The following SEPTIN2 variants were observed in gnomAD, a reference collection of about 807,000 sequenced individuals.
SEPTIN2 encodes the protein septin 2, also known as septin-2.
In SEPTIN2, 34 loss-of-function variants were observed where a neutral mutation model predicts 46.5. The ratio of observed to expected loss-of-function variants is 0.73; its 90% CI spans 0.56 to 0.97. SEPTIN2 has a LOEUF of 0.97. Among genes scored for constraint, SEPTIN2 ranks in the 50% least tolerant of loss-of-function variants. The probability of loss-of-function intolerance (pLI) is 0.00; values close to 1 mark genes in which losing one functional copy is unlikely to be tolerated. For synonymous variants in SEPTIN2, 175 were observed against 153.4 expected (o/e 1.14, Z -1.04); for missense variants, 347 against 448.4 (o/e 0.77, Z 2.04).
At chr2:241,318,971 C>G (rs2076763717) in intron 1 of SEPTIN2, among the ~76,000 whole-genome samples, 1 of 152,170 alleles carries the variant, frequency 6.6e-6, no homozygotes, top group Non-Finnish European at 1.5e-5. Flanking sequence ...GCTGGGATTA[C>G]AGGCATGAGC....
At chr2:241,337,139 T>C in intron 5 of SEPTIN2, 2 of 431,958 alleles carry the variant, frequency 4.6e-6, no homozygotes, top group Non-Finnish European at 8.2e-6. Flanking sequence ...ACTGGCCCTC[T>C]CTCAGGTGCA....
chr2:241,322,992 A>G (rs1419203254), intron 1 of SEPTIN2, among the ~76,000 whole-genome samples: 3 of 145,108 alleles, frequency 2.1e-5, no homozygotes, highest in Non-Finnish European at 2.9e-5. Context: ...ATGTGCGTAC[A>G]TATATATATA....
chr2:241,325,894 A>G lies in SEPTIN2; in HGVS notation c.10-99A>G, dbSNP rs982461065. On this transcript the variant is annotated intron_variant, in intron 2 of 12. Transcript: ENST00000391971. Reference sequence around the variant, plus strand: ...GTTTATACTTTTTAAAAAATTTGTGAAAACTGATAACCTATGTTTGTTTCA... The same window carrying G: ...GTTTATACTTTTTAAAAAATTTGTGGAAACTGATAACCTATGTTTGTTTCA... 9 of 1,186,712 alleles carry G rather than the reference A, an allele frequency of 7.6e-6. No homozygotes were observed. The Middle Eastern group carries it at 8.9e-4, about 118-fold the overall frequency. The allele number at this position is 1,186,712 out of a possible 1,614,324, so 73.5% of individuals were successfully genotyped here. A position where few individuals can be genotyped will look rare whatever the true frequency, so the allele number is the denominator to read the frequency against.
At chr2:241,315,833 A>G (rs1174414651), upstream of SEPTIN2, 1 of 144,204 alleles carries the variant, frequency 6.9e-6, no homozygotes, top group Non-Finnish European at 1.5e-5. Flanking sequence ...GCCAGGAAGC[A>G]GTTGGCAAAG....
At chr2:241,325,132 A>G (rs2077735731) in intron 2 of SEPTIN2, 2 of 152,290 alleles carry the variant, frequency 1.3e-5, no homozygotes, top group Non-Finnish European at 2.9e-5. Context: ...TATGTTACAT[A>G]TATTCTTTTT....
intron 7 of SEPTIN2, among the ~76,000 whole-genome samples, chr2:241,340,526 C>A (rs2081109693): frequency 6.6e-6 from 1 of 152,110 alleles, no homozygotes; most frequent in South Asian, 2.1e-4. Context: ...CTTTGAAGAA[C>A]CCCTGGAAGC....
At chr2:241,343,925 C>G in intron 9 of SEPTIN2, 28 bp downstream of exon 9, 1 of 1,611,908 alleles carries the variant, frequency 6.2e-7, no homozygotes, top group East Asian at 2.2e-5. Context: ...TTCCTTCTGG[C>G]AGAATTTGGC....
rs147557538 is a variant in SEPTIN2 at position 241,319,177 on chromosome 2, T to C, written c.-18+3195T>C. Among the ~76,000 whole-genome samples the C allele has an allele frequency of 1.1e-3, 175 of 152,358 alleles. 2 individuals carry two copies. The highest frequency in any genetic ancestry group is 4.1e-3 in the African/African-American group (171 of 41,580). ...GAAAAAAATGAGAGAATAGAGAATA[T>C]GAATACTGATTGGATATTTGATTGC... is the stretch of plus-strand genomic sequence containing the variant. On this transcript the variant is annotated intron_variant, in intron 1 of 12. Coordinates refer to ENST00000391971, the MANE Select transcript of SEPTIN2 (RefSeq NM_004404.5).
chr2:241,347,127 C>T (rs2060319061), intron 10 of SEPTIN2, among the ~76,000 whole-genome samples: 1 of 152,130 alleles, frequency 6.6e-6, no homozygotes. Context: ...TGTGGTGGTG[C>T]ATGCCTGTGG....
intron 4 of SEPTIN2, chr2:241,335,518 G>A (rs2079802390): frequency 1.4e-6 from 1 of 692,728 alleles, no homozygotes. Flanking sequence ...CATCAAAAAT[G>A]CTGTGTAACT....
intron 5 of SEPTIN2, chr2:241,336,366 G>T: frequency 2.4e-6 from 1 of 415,038 alleles, no homozygotes; most frequent in Non-Finnish European, 4.3e-6. Context: ...TTGAGCCGTG[G>T]TTGGTGACCG....
chr2:241,346,592 TAAAA>T, intron 10 of SEPTIN2: 1 of 148,532 alleles, frequency 6.7e-6, no homozygotes, highest in Non-Finnish European at 1.5e-5. Context: ...TACAAAAATT[TAAAA>T]AAAAAAAAAT....
rs116559893 is a variant in SEPTIN2 at position 241,329,719 on chromosome 2, G to C, written c.130+3606G>C. Among the ~76,000 whole-genome samples the C allele has an allele frequency of 4.7e-3, 712 of 152,284 alleles. 3 individuals are homozygous for C. Among genetic ancestry groups the C allele is most frequent in the African/African-American group, 0.016 (683 of 41,556 alleles). On this transcript the variant is annotated intron_variant, in intron 3 of 12. Coordinates refer to ENST00000391971, the MANE Select transcript of SEPTIN2 (RefSeq NM_004404.5). ...ATGCGTCTACCTTACTGCTGTGTCT[G>C]GTTTCCACTGGCTGGAACGGTACCT...
chr2:241,328,161 G>A (rs1247060586), intron 3 of SEPTIN2, among the ~76,000 whole-genome samples: 1 of 152,208 alleles, frequency 6.6e-6, no homozygotes, highest in Non-Finnish European at 1.5e-5. Context: ...CTGGTCGGGC[G>A]TGATGGCTCA....
At chr2:241,320,239 A>G in intron 1 of SEPTIN2, 1 of 471,172 alleles carries the variant, frequency 2.1e-6, no homozygotes, top group Non-Finnish European at 4.4e-6. Flanking sequence ...GTCTTGTCCA[A>G]GGTTAGATGG....
At chr2:241,329,524 A>C (rs2078629437) in intron 3 of SEPTIN2, among the ~76,000 whole-genome samples, 1 of 152,248 alleles carries the variant, frequency 6.6e-6, no homozygotes, top group Non-Finnish European at 1.5e-5. Context: ...AATATATGTT[A>C]GAAATGCTTG....
chr2:241,337,224 T>C (rs1454900150), intron 5 of SEPTIN2, 158 bp from the exon 6 acceptor site: 1 of 694,426 alleles, frequency 1.4e-6, no homozygotes. Context: ...TTCCAAAAAC[T>C]TCCATTTGCC....
intron 1 of SEPTIN2, among the ~76,000 whole-genome samples, chr2:241,323,781 G>A (rs370891946): frequency 2.0e-5 from 3 of 152,118 alleles, no homozygotes; most frequent in African/African-American, 7.2e-5. Flanking sequence ...GCAAAATGGA[G>A]GTGCCAAACA....
intron 1 of SEPTIN2, among the ~76,000 whole-genome samples, chr2:241,321,388 A>G (rs1214298464): frequency 6.6e-6 from 1 of 152,072 alleles, no homozygotes; most frequent in Non-Finnish European, 1.5e-5. Context: ...TTTTATCATT[A>G]TAGCTTGTTA....
Sources: allele counts gnomAD v4.1 joint callset (sites outside exome capture counted in the v4.1 genomes callset), GRCh38; gene constraint gnomAD v4.1.1; transcripts MANE v1.5; gene names NCBI Gene and HGNC (gene_info 2026-07-23, HGNC 2026-07-21).